PCDH7: variants seen among roughly 807,000 people sequenced by gnomAD.
PCDH7 encodes protocadherin 7.
A neutral mutation model predicts 58.9 loss-of-function variants in PCDH7; 17 were observed. The ratio of observed to expected loss-of-function variants is 0.29; its 90% CI spans 0.20 to 0.43. PCDH7 has a LOEUF of 0.43. Ranked by LOEUF, PCDH7 falls within the 20% of genes least tolerant of loss-of-function variation. The pLI is 1.00. For missense variants in PCDH7, 1,274 were observed against 1,441.0 expected (o/e 0.88, Z 1.88); for synonymous variants, 664 against 616.4 (o/e 1.08, Z -1.14).
In PCDH7 at chr4:30,912,647, A is replaced by G. The variant is rs369919264; in HGVS notation, c.71-7506A>G. ...GGAAGGTGCAGATTTAAAGTTCCCA[A>G]TAAAGTTGTCTGTAAGACAAAGAGC... On this transcript the variant is annotated intron_variant, in intron 1 of 3. Coordinates refer to the PCDH7 transcript ENST00000509759. Among the ~76,000 whole-genome samples, 85 of 152,302 alleles carry G rather than the reference A, an allele frequency of 5.6e-4. 2 individuals are homozygous for G. The South Asian group carries it at 0.015, about 27-fold the overall frequency.
At chr4:30,748,742 T>G (rs1456528417) in intron 1 of PCDH7, among the ~76,000 whole-genome samples, 1 of 152,126 alleles carries the variant, frequency 6.6e-6, no homozygotes, top group African/African-American at 2.4e-5. Flanking sequence ...TGACATCCTA[T>G]GTGATATTGG....
chr4:30,803,367 T>C (rs529771384), intron 1 of PCDH7, among the ~76,000 whole-genome samples: 13 of 152,172 alleles, frequency 8.5e-5, no homozygotes, highest in African/African-American at 3.1e-4. Flanking sequence ...AGAATGGTGA[T>C]GATTTATAGA....
At chr4:31,049,306 A>G (rs1432858609) in intron 3 of PCDH7, among the ~76,000 whole-genome samples, 1 of 152,032 alleles carries the variant, frequency 6.6e-6, no homozygotes, top group Non-Finnish European at 1.5e-5. Flanking sequence ...AAGTGAGAAT[A>G]GAGTAATTGT....
chr4:30,759,149 C>T (rs1175527152), intron 1 of PCDH7, among the ~76,000 whole-genome samples: 1 of 151,990 alleles, frequency 6.6e-6, no homozygotes. Context: ...ACCATGTTGG[C>T]CAGGCTGGTC....
intron 1 of PCDH7, among the ~76,000 whole-genome samples, chr4:30,824,784 A>G (rs1298011993): frequency 6.6e-6 from 1 of 152,168 alleles, no homozygotes; most frequent in Non-Finnish European, 1.5e-5. Context: ...TGAATACTGT[A>G]GAAACGTGCT....
chr4:31,142,576 G>A lies in PCDH7; in HGVS notation c.*111G>A, dbSNP rs770973145. The A allele has an allele frequency of 1.8e-5, 24 of 1,367,668 alleles. No individual in the cohort carries two copies. In the Admixed American group the frequency reaches 1.9e-4, roughly 11 times the overall value. The allele number at this position is 1,367,668 out of a possible 1,614,324, so 84.7% of individuals were successfully genotyped here. ...GCTGGATGCCGGTCCGCACTTCTCC[G>A]GAGAGGAAGAAGAGCCAGCCTAAAC... On this transcript the variant is annotated 3_prime_UTR_variant, in exon 4 of 4. Transcript: ENST00000509759.
chr4:30,796,149 A>G (rs1487067242), intron 1 of PCDH7, among the ~76,000 whole-genome samples: 3 of 152,138 alleles, frequency 2.0e-5, no homozygotes, highest in Non-Finnish European at 2.9e-5. Flanking sequence ...CTTGCCATTC[A>G]GTTTTGTTTA....
intron 3 of PCDH7, among the ~76,000 whole-genome samples, chr4:31,078,848 T>C (rs1275698142): frequency 6.6e-6 from 1 of 151,988 alleles, no homozygotes; most frequent in Non-Finnish European, 1.5e-5. Context: ...GAGGATGGTA[T>C]TGCAGATTGC....
chr4:30,970,888 T>C (rs1334502737), intron 3 of PCDH7, among the ~76,000 whole-genome samples: 1 of 152,178 alleles, frequency 6.6e-6, no homozygotes, highest in Non-Finnish European at 1.5e-5. Context: ...CTGTCTAAGT[T>C]TTATGTTCCT....
chr4:31,058,830 G>A (rs1419968185), intron 3 of PCDH7, among the ~76,000 whole-genome samples: 1 of 151,846 alleles, frequency 6.6e-6, no homozygotes, highest in Non-Finnish European at 1.5e-5. Flanking sequence ...CATTCGAAAG[G>A]AGGACAATAG....
At chr4:30,740,685 T>G (rs1415788234) in intron 1 of PCDH7, among the ~76,000 whole-genome samples, 1 of 151,870 alleles carries the variant, frequency 6.6e-6, no homozygotes, top group East Asian at 1.9e-4. Flanking sequence ...CTCTTGAGGT[T>G]TTTTTTTAAT....
At chr4:30,803,195 T>C (rs1233148088) in intron 1 of PCDH7, among the ~76,000 whole-genome samples, 1 of 152,082 alleles carries the variant, frequency 6.6e-6, no homozygotes, top group Non-Finnish European at 1.5e-5. Context: ...AGAGGAAAAT[T>C]TCACAATTTT....
At chr4:30,920,201 C>T in exon 2 of PCDH7, 3 of 1,367,772 alleles carry the variant, frequency 2.2e-6, no homozygotes, top group Non-Finnish European at 2.9e-6. Flanking sequence ...TCAGGACCCA[C>T]ATCAGGGGTC....
intron 1 of PCDH7, among the ~76,000 whole-genome samples, chr4:30,846,527 T>C (rs1731984311): frequency 6.6e-6 from 1 of 151,922 alleles, no homozygotes; most frequent in Admixed American, 6.6e-5. Flanking sequence ...TGTGGTATTA[T>C]GTTATAGTAA....
At chr4:30,767,137 T>C (rs961695262) in intron 1 of PCDH7, among the ~76,000 whole-genome samples, 2 of 152,178 alleles carry the variant, frequency 1.3e-5, no homozygotes, top group African/African-American at 4.8e-5. Context: ...CTGTGGCCAC[T>C]GAAGTCTTAG....
chr4:30,845,609 C>G (rs1731830663), intron 1 of PCDH7, among the ~76,000 whole-genome samples: 1 of 151,972 alleles, frequency 6.6e-6, no homozygotes, highest in African/African-American at 2.4e-5. Context: ...CTCTCTTTGT[C>G]TTTTTGAAGA....
chr4:31,144,440 C>G (rs138229501), downstream of PCDH7: 354 of 152,256 alleles, frequency 2.3e-3, 1 homozygote, highest in African/African-American at 7.9e-3. Context: ...TGAGCTGGGA[C>G]ATTCAGACGA....
At chr4:30,984,897 A>G (rs1750841915) in intron 3 of PCDH7, among the ~76,000 whole-genome samples, 1 of 152,140 alleles carries the variant, frequency 6.6e-6, no homozygotes, top group South Asian at 2.1e-4. Flanking sequence ...TTCTGGGGCA[A>G]AGGCTAGATT....
intron 1 of PCDH7, among the ~76,000 whole-genome samples, chr4:30,839,217 C>A (rs1202557176): frequency 1.3e-5 from 2 of 151,792 alleles, no homozygotes; most frequent in African/African-American, 4.8e-5. Flanking sequence ...TTAATAATTA[C>A]TAAGTATTTT....
Sources: allele counts gnomAD v4.1 joint callset (sites outside exome capture counted in the v4.1 genomes callset), GRCh38; gene constraint gnomAD v4.1.1; transcripts MANE v1.5; gene names NCBI Gene and HGNC (gene_info 2026-07-23, HGNC 2026-07-21).